The following SOX5 variants were observed in gnomAD, a reference collection of about 807,000 sequenced individuals.
SOX5 encodes transcription factor SOX-5.
In SOX5, 9 loss-of-function variants were observed where a neutral mutation model predicts 92.0. That is an observed-to-expected ratio of 0.10 (90% CI 0.06 to 0.17). SOX5 has a LOEUF of 0.17. SOX5 is among the 10% of genes least tolerant of loss of function. SOX5 has a pLI of 1.00. For synonymous variants in SOX5, 344 were observed against 336.3 expected, an observed-to-expected ratio of 1.02 and a Z score of -0.25; for missense variants, 642 against 944.5, an observed-to-expected ratio of 0.68 and a Z score of 4.20.
chr12:24,041,233 C>T (rs1029451422), intron 4 of SOX5, among the ~76,000 whole-genome samples: 1 of 152,122 alleles, frequency 6.6e-6, no homozygotes, highest in African/African-American at 2.4e-5. Flanking sequence ...CTGAGTTTTG[C>T]ATATCATAAG....
chr12:24,087,769 AT>A (rs34022793), intron 4 of SOX5, among the ~76,000 whole-genome samples: 48,386 of 150,250 alleles, frequency 0.32, 8,291 homozygotes, highest in East Asian at 0.63. Context: ...ATTGTTAAAC[AT>A]TTTTTTTTTG....
chr12:23,557,205 G>C (rs1945331777), intron 11 of SOX5, among the ~76,000 whole-genome samples: 1 of 152,078 alleles, frequency 6.6e-6, no homozygotes, highest in Non-Finnish European at 1.5e-5. Flanking sequence ...TCTGTGGTAA[G>C]GCTTCTTATG....
At position 23,745,729 on chromosome 12, in the gene SOX5, G is replaced by A. The variant is rs147101313; in HGVS notation, c.569-4690C>T. ...TTGTGGCTCTTTTCCTGATTTCCAC[G>A]GATAACATTTGTTCTCTTCTTTGGG... On this transcript the variant is annotated intron_variant, in intron 4 of 14. Transcript: ENST00000451604. Among the ~76,000 whole-genome samples the A allele has an allele frequency of 1.2e-3, 185 of 150,544 alleles. 1 individual carries two copies. Among genetic ancestry groups the A allele is most frequent in the Non-Finnish European group, 2.1e-3 (145 of 67,460 alleles).
intron 4 of SOX5, among the ~76,000 whole-genome samples, chr12:24,210,298 T>C (rs980799541): frequency 6.6e-6 from 1 of 152,134 alleles, no homozygotes; most frequent in East Asian, 1.9e-4. Flanking sequence ...ACTTCTCCCA[T>C]AGGTCATGGA....
chr12:23,654,737 T>A, intron 7 of SOX5, among the ~76,000 whole-genome samples: 1 of 152,238 alleles, frequency 6.6e-6, no homozygotes, highest in East Asian at 1.9e-4. Flanking sequence ...TTTGCTAGAA[T>A]AGTATAATAT....
intron 2 of SOX5, chr12:24,357,463 A>C (rs1954988716): frequency 6.6e-6 from 1 of 152,254 alleles, no homozygotes; most frequent in Non-Finnish European, 1.5e-5. Context: ...TAGAATGCAA[A>C]GCAGGAGGTT....
chr12:24,208,999 G>C (rs1442156806), intron 4 of SOX5, among the ~76,000 whole-genome samples: 1 of 152,170 alleles, frequency 6.6e-6, no homozygotes, highest in African/African-American at 2.4e-5. Flanking sequence ...AAAAGAAAAT[G>C]ACTGCAATTT....
intron 2 of SOX5, among the ~76,000 whole-genome samples, chr12:23,874,074 T>C (rs577500439): frequency 4.9e-4 from 75 of 152,194 alleles, no homozygotes; most frequent in Non-Finnish European, 9.3e-4. Context: ...TTCTCTTGTG[T>C]AATAAATCAA....
intron 3 of SOX5, among the ~76,000 whole-genome samples, chr12:24,236,702 A>T (rs1379296769): frequency 6.6e-6 from 1 of 152,240 alleles, no homozygotes; most frequent in African/African-American, 2.4e-5. Flanking sequence ...TTGGTTGGCA[A>T]TAAGACACCA....
intron 4 of SOX5, among the ~76,000 whole-genome samples, chr12:24,023,705 T>C (rs1234357382): frequency 6.6e-6 from 1 of 152,114 alleles, no homozygotes; most frequent in Non-Finnish European, 1.5e-5. Context: ...CCCCATTAAT[T>C]GATCAATTAA....
chr12:24,202,306 C>T (rs1377354755), intron 4 of SOX5, among the ~76,000 whole-genome samples: 5 of 152,146 alleles, frequency 3.3e-5, no homozygotes, highest in African/African-American at 1.2e-4. Flanking sequence ...TACATACATA[C>T]ATTTTATTTA....
chr12:23,811,951 A>G (rs1464831365), intron 3 of SOX5, among the ~76,000 whole-genome samples: 1 of 152,144 alleles, frequency 6.6e-6, no homozygotes, highest in Admixed American at 6.5e-5. Context: ...AATAAAAACC[A>G]GCTTTTAAAG....
intron 4 of SOX5, among the ~76,000 whole-genome samples, chr12:23,746,462 C>G (rs2093988282): frequency 6.6e-6 from 1 of 152,114 alleles, no homozygotes; most frequent in African/African-American, 2.4e-5. Context: ...GTCATGAGTT[C>G]ACTTGTGTGT....
At chr12:24,557,915 C>T (rs929965099) in intron 1 of SOX5, among the ~76,000 whole-genome samples, 5 of 152,264 alleles carry the variant, frequency 3.3e-5, no homozygotes, top group African/African-American at 1.2e-4. Context: ...TATTTACATG[C>T]ATTCAAATTT....
At chr12:23,878,515 C>T (rs1403111765) in intron 2 of SOX5, among the ~76,000 whole-genome samples, 1 of 152,014 alleles carries the variant, frequency 6.6e-6, no homozygotes, top group Non-Finnish European at 1.5e-5. Context: ...AATAAAAATG[C>T]TACCTCTGCT....
At chr12:23,786,471 T>C (rs890747437) in intron 3 of SOX5, among the ~76,000 whole-genome samples, 8 of 151,678 alleles carry the variant, frequency 5.3e-5, no homozygotes, top group African/African-American at 1.9e-4. Flanking sequence ...TGGAAAGGAC[T>C]ATTTTGTTTC....
intron 8 of SOX5, among the ~76,000 whole-genome samples, chr12:23,628,607 A>G (rs1436575223): frequency 1.3e-5 from 2 of 151,980 alleles, no homozygotes; most frequent in Non-Finnish European, 2.9e-5. Context: ...CTCCTTGTTC[A>G]CTTTCTTCAT....
At chr12:23,884,303 A>G (rs2097035233) in intron 2 of SOX5, among the ~76,000 whole-genome samples, 1 of 152,178 alleles carries the variant, frequency 6.6e-6, no homozygotes, top group Admixed American at 6.5e-5. Context: ...TTACCCAGTA[A>G]TTTTGTCACT....
chr12:24,543,420 C>T (rs1027223001), intron 1 of SOX5, among the ~76,000 whole-genome samples: 1 of 152,210 alleles, frequency 6.6e-6, no homozygotes, highest in Non-Finnish European at 1.5e-5. Context: ...GGCATGGTGG[C>T]TCACACCTGT....
Sources: gnomAD v4.1 joint callset for allele counts (sites outside exome capture counted in the v4.1 genomes callset) on GRCh38, gnomAD v4.1.1 for gene constraint, MANE v1.5 for transcripts, NCBI Gene and HGNC (gene_info 2026-07-23, HGNC 2026-07-21) for gene names.